Variants in IGFL2 observed in about 807,000 individuals in gnomAD.
IGFL2 encodes IGF like family member 2.
In IGFL2, 7 loss-of-function variants were observed where a neutral mutation model predicts 13.9. The ratio of observed to expected loss-of-function variants is 0.51; its 90% confidence interval spans 0.29 to 0.95. IGFL2 has a LOEUF of 0.95. Ranked by LOEUF, IGFL2 falls within the 40% of genes least tolerant of loss-of-function variation. IGFL2 has a pLI of 0.08. For synonymous variants in IGFL2, 55 were observed against 55.8 expected (o/e 0.99, Z 0.07); for missense variants, 138 against 147.8 (o/e 0.93, Z 0.34).
the IGFL2 span, among the ~76,000 whole-genome samples, chr19:46,204,384 G>T: frequency 6.6e-6 from 1 of 152,176 alleles, no homozygotes; most frequent in Non-Finnish European, 1.5e-5. Flanking sequence ...TCTGTGACCT[G>T]CAGGGGCCCC....
chr19:46,134,697 C>A, the IGFL2 span, among the ~76,000 whole-genome samples: 3 of 152,212 alleles, frequency 2.0e-5, no homozygotes, highest in Non-Finnish European at 1.5e-5. Flanking sequence ...TCCTACTGAT[C>A]TGACAGGAGG....
chr19:46,092,554 C>T, the IGFL2 span, among the ~76,000 whole-genome samples: 2 of 152,044 alleles, frequency 1.3e-5, no homozygotes, highest in Admixed American at 6.6e-5. Context: ...ATCACTTGAA[C>T]CTGAGCGGCT....
At chr19:46,213,987 T>G in the IGFL2 span, 1 of 152,612 alleles carries the variant, frequency 6.6e-6, no homozygotes. Context: ...CACATCTGGA[T>G]GTAGGCGCTC....
At chr19:46,140,498 C>T (rs1277595749), upstream of IGFL2, among the ~76,000 whole-genome samples, 3 of 152,098 alleles carry the variant, frequency 2.0e-5, no homozygotes, top group Admixed American at 6.5e-5. Flanking sequence ...GGCAACATAG[C>T]GAGACCTCAT....
At chr19:46,168,903 T>A in the IGFL2 span, among the ~76,000 whole-genome samples, 3 of 135,132 alleles carry the variant, frequency 2.2e-5, no homozygotes, top group East Asian at 4.0e-4. Context: ...AGATTGAGTG[T>A]GTGTGTGTGT....
the IGFL2 span, among the ~76,000 whole-genome samples, chr19:46,096,079 G>T: frequency 2.6e-5 from 4 of 152,118 alleles, no homozygotes; most frequent in African/African-American, 7.2e-5. Context: ...AGTTTGATGG[G>T]AATATCATTG....
At chr19:46,127,885 A>G in the IGFL2 span, among the ~76,000 whole-genome samples, 262 of 152,270 alleles carry the variant, frequency 1.7e-3, no homozygotes, top group Non-Finnish European at 2.9e-3. Context: ...TGGTGAAGCG[A>G]CACCCCAAGG....
At chr19:46,086,006 A>G in the IGFL2 span, among the ~76,000 whole-genome samples, 1 of 152,020 alleles carries the variant, frequency 6.6e-6, no homozygotes, top group African/African-American at 2.4e-5. Flanking sequence ...ATTCTTTTAA[A>G]TTATTTTTTC....
At chr19:46,079,183 G>C in the IGFL2 span, among the ~76,000 whole-genome samples, 2 of 152,386 alleles carry the variant, frequency 1.3e-5, no homozygotes, top group South Asian at 4.1e-4. Context: ...CCATGTTTTC[G>C]TCGCAGTAAC....
the IGFL2 span, among the ~76,000 whole-genome samples, chr19:46,128,243 G>T: frequency 1.3e-5 from 2 of 152,150 alleles, no homozygotes; most frequent in Non-Finnish European, 2.9e-5. Context: ...AGGAGCTTTT[G>T]TGGAGACTGT....
the IGFL2 span, among the ~76,000 whole-genome samples, chr19:46,103,829 G>A: frequency 7.9e-5 from 12 of 152,160 alleles, no homozygotes; most frequent in South Asian, 2.1e-4. Context: ...TTAGGAATGC[G>A]GGTGAGTTTA....
chr19:46,115,839 TC>T, the IGFL2 span, among the ~76,000 whole-genome samples: 1 of 152,138 alleles, frequency 6.6e-6, no homozygotes, highest in African/African-American at 2.4e-5. Flanking sequence ...TGGAATTTTT[TC>T]TATACCACTC....
intron 1 of IGFL2, among the ~76,000 whole-genome samples, chr19:46,153,837 A>T (rs149876048): frequency 0.13 from 17,929 of 140,084 alleles, 1,607 homozygotes; most frequent in African/African-American, 0.28. Flanking sequence ...ATATATATAT[A>T]TATTTTTTTT....
At chr19:46,201,680 G>T in the IGFL2 span, among the ~76,000 whole-genome samples, 2 of 152,128 alleles carry the variant, frequency 1.3e-5, no homozygotes, top group Non-Finnish European at 2.9e-5. Context: ...AGTAACGGGC[G>T]TGTGATTGGT....
the IGFL2 span, among the ~76,000 whole-genome samples, chr19:46,095,408 T>C: frequency 1.3e-5 from 2 of 152,226 alleles, no homozygotes; most frequent in Non-Finnish European, 2.9e-5. Flanking sequence ...TTAAGTTCCT[T>C]GTAGATTCTA....
At chr19:46,176,236 A>G in the IGFL2 span, among the ~76,000 whole-genome samples, 3 of 151,840 alleles carry the variant, frequency 2.0e-5, no homozygotes, top group Non-Finnish European at 2.9e-5. Flanking sequence ...GGATGACTAG[A>G]TGCAGGTAGT....
the IGFL2 span, chr19:46,198,017 C>CCCTG: frequency 3.1e-5 from 3 of 97,228 alleles, no homozygotes; most frequent in East Asian, 1.1e-3. Context: ...CTCCCTCCCT[C>CCCTG]CCTCCCTCCC....
At chr19:46,167,218 G>A in the IGFL2 span, among the ~76,000 whole-genome samples, 1 of 152,128 alleles carries the variant, frequency 6.6e-6, no homozygotes, top group Non-Finnish European at 1.5e-5. Flanking sequence ...TCCGTTTGGG[G>A]TCCCTGACTT....
At position 46,150,906 on chromosome 19, in the gene IGFL2, A is replaced by G. The variant is rs575469611; in HGVS notation, c.19+2609A>G. 8.4e-4 allele frequency among the ~76,000 whole-genome samples: 128 copies of G among 152,160 alleles called. 2 individuals carry two copies. The Middle Eastern group carries it at 0.017, about 20-fold the overall frequency. On this transcript the variant is annotated intron_variant, in intron 1 of 3. Transcript: ENST00000377693. ...GGTCTCCAACTTGTAGGCTCAAGCA[A>G]CCCTCCTCCTTGGCCTCCCAAAGTG...
Sources: allele counts gnomAD v4.1 joint callset (sites outside exome capture counted in the v4.1 genomes callset), GRCh38; gene constraint gnomAD v4.1.1; transcripts MANE v1.5; gene names NCBI Gene and HGNC (gene_info 2026-07-23, HGNC 2026-07-21).